Variants in SLCO4C1 observed in about 807,000 individuals in gnomAD.
The protein encoded by SLCO4C1 is organic anion transporter M1.
Under a neutral mutation model 72.1 loss-of-function variants are expected in SLCO4C1, and 58 were observed. The ratio of observed to expected loss-of-function variants is 0.80; its 90% CI spans 0.65 to 1.00. The LOEUF is 1.00. SLCO4C1 is among the 50% of genes least tolerant of loss of function. The pLI is 0.00. For missense variants in SLCO4C1, 898 were observed against 857.9 expected (o/e 1.05, Z -0.58); for synonymous variants, 297 against 312.5 (o/e 0.95, Z 0.52).
At chr5:102,240,613 C>A in intron 11 of SLCO4C1, 105 bp downstream of exon 11, 1 of 812,358 alleles carries the variant, frequency 1.2e-6, no homozygotes, top group Non-Finnish European at 2.0e-6. Flanking sequence ...ATGATGTAGC[C>A]TTCCACTATA....
chr5:102,237,147 T>C, intron 12 of SLCO4C1, 129 bp from the exon 13 acceptor site: 1 of 996,878 alleles, frequency 1.0e-6, no homozygotes. Context: ...GTTCTATGTT[T>C]AAAATTTTTG....
At position 102,236,629 on chromosome 5, in the gene SLCO4C1, CGT is replaced by C. The variant is rs527768491; in HGVS notation, c.*227_*228del. The C allele has an allele frequency of 2.3e-4, 91 of 403,072 alleles. No homozygotes were observed. The highest frequency in any genetic ancestry group is 2.7e-4 in the Non-Finnish European group (61 of 224,732). The allele number at this position is 403,072 out of a possible 1,614,324, so 25.0% of individuals were successfully genotyped here. On this transcript the variant is annotated 3_prime_UTR_variant, in exon 13 of 13. Transcript: ENST00000310954. ...TCGTGTGTGTGTGTGTGTGTGTGCT[CGT>C]GTGTGTGTGTGCTGTGTTTTGAGGC...
chr5:102,235,806 C>T lies in SLCO4C1; in HGVS notation c.*1052G>A, dbSNP rs1347326501. Reference sequence around the variant, plus strand: ...AGGTGGAGCAGTTTCATCTCAAAACCATACCTTCTTCCCCCATGGAAAAAT... The same window carrying T: ...AGGTGGAGCAGTTTCATCTCAAAACTATACCTTCTTCCCCCATGGAAAAAT... On this transcript the variant is annotated 3_prime_UTR_variant, in exon 13 of 13. Coordinates refer to ENST00000310954, the MANE Select transcript of SLCO4C1 (RefSeq NM_180991.5). 6.6e-6 allele frequency: 1 copy of T among 152,216 alleles called. No homozygotes were observed. The highest frequency in any genetic ancestry group is 3.2e-3 in the Middle Eastern group (1 of 316). 9.4% of individuals were successfully genotyped at this position (152,216 alleles called of 1,614,324 possible).
At chr5:102,266,930 T>C (rs762148842) in intron 3 of SLCO4C1, among the ~76,000 whole-genome samples, 33 of 152,224 alleles carry the variant, frequency 2.2e-4, no homozygotes, top group Non-Finnish European at 3.1e-4. Flanking sequence ...GTATCATATT[T>C]ATTGATTTCC....
At position 102,291,473 on chromosome 5, in the gene SLCO4C1, T is replaced by C. The variant is rs772004766; in HGVS notation, c.489A>G (p.Ser163=). The C allele has an allele frequency of 1.2e-5, 19 of 1,614,114 alleles. 1 individual carries two copies. In the East Asian group the frequency reaches 1.6e-4, roughly 13 times the overall value. ...GCTTATGTCCTCTTTCACCAAAGAATGATACAAATAAAGACAACAAACAGA... is the reference window on the plus strand; with the variant it reads ...GCTTATGTCCTCTTTCACCAAAGAACGATACAAATAAAGACAACAAACAGA... ...ISFCLLSLFV[S]FFGERGHKPR... The change falls in exon 2 of 13, where the codon TCA becomes TCG. Residue 163 remains serine (S), a synonymous_variant. Coordinates refer to ENST00000310954, the MANE Select transcript of SLCO4C1 (RefSeq NM_180991.5).
chr5:102,244,059 C>T (rs1053223404), intron 10 of SLCO4C1, among the ~76,000 whole-genome samples: 11 of 151,812 alleles, frequency 7.2e-5, no homozygotes, highest in Non-Finnish European at 1.5e-4. Flanking sequence ...TGGTGGTGCA[C>T]GTCTGTCATC....
At chr5:102,287,685 C>T (rs1263816951) in intron 2 of SLCO4C1, among the ~76,000 whole-genome samples, 1 of 151,908 alleles carries the variant, frequency 6.6e-6, no homozygotes, top group Non-Finnish European at 1.5e-5. Flanking sequence ...GCTGGGACTA[C>T]AGGCATATGC....
chr5:102,260,088 GTATATATATATGTGTGTATATATAA>G (rs1748906502), intron 6 of SLCO4C1, 100 bp downstream of exon 6: 1 of 247,066 alleles, frequency 4.0e-6, no homozygotes, highest in Non-Finnish European at 8.0e-6. Context: ...GGTTGTATTT[GTATATATATATGTGTGTATATATAA>G]TATATAAACA....
intron 6 of SLCO4C1, among the ~76,000 whole-genome samples, chr5:102,258,489 T>G (rs1748879692): frequency 6.6e-6 from 1 of 152,134 alleles, no homozygotes; most frequent in Non-Finnish European, 1.5e-5. Flanking sequence ...TTTAAGACTA[T>G]GAGCAGAGAT....
intron 3 of SLCO4C1, among the ~76,000 whole-genome samples, chr5:102,269,684 C>A (rs1749112805): frequency 6.6e-6 from 1 of 152,094 alleles, no homozygotes; most frequent in Non-Finnish European, 1.5e-5. Context: ...AGGCATTTCA[C>A]AGATTTTTAT....
chr5:102,270,243 C>T (rs1749124158), intron 3 of SLCO4C1, among the ~76,000 whole-genome samples: 1 of 152,006 alleles, frequency 6.6e-6, no homozygotes, highest in African/African-American at 2.4e-5. Flanking sequence ...GACTGTAAGT[C>T]AATATAGGAT....
intron 1 of SLCO4C1, among the ~76,000 whole-genome samples, chr5:102,295,016 G>A (rs1017886820): frequency 1.1e-4 from 17 of 152,258 alleles, no homozygotes; most frequent in Middle Eastern, 3.4e-3. Context: ...GCTTCGGCAT[G>A]TCCTTCTTGA....
rs982883597 is a variant in SLCO4C1 at position 102,266,573 on chromosome 5, C to A, written c.803-2793G>T. On this transcript the variant is annotated intron_variant, in intron 3 of 12. Transcript: ENST00000310954. ...GCTGAGGCAGGAGAATCACTTAAAC[C>A]CAGGAAGCAGAGGTTGCAATGAGCA... Among the ~76,000 whole-genome samples the A allele has an allele frequency of 7.9e-5, 12 of 152,006 alleles. 1 individual carries two copies. Among genetic ancestry groups the A allele is most frequent in the Admixed American group, 3.3e-4 (5 of 15,264 alleles).
At chr5:102,291,736 A>G (rs1266257963) in intron 1 of SLCO4C1, 130 bp from the exon 2 acceptor site, 9 of 670,756 alleles carry the variant, frequency 1.3e-5, no homozygotes, top group Admixed American at 4.1e-5. Flanking sequence ...CAAAGCCTCA[A>G]AGTTTCAAAG....
rs377477286 is a variant in SLCO4C1, at chr5:102,240,686, C to G, written c.1876+32G>C. On this transcript the variant is annotated intron_variant, in intron 11 of 12. Coordinates refer to ENST00000310954, the MANE Select transcript of SLCO4C1 (RefSeq NM_180991.5). ...AACACTAATGAACCAAAATAGCCAA[C>G]AGTTAGCAATGAATAAAGAAAAATG... 20 of 1,571,926 alleles carry G rather than the reference C, an allele frequency of 1.3e-5. No homozygotes were observed. The African/African-American group carries it at 2.2e-4, about 17-fold the overall frequency.
rs924682068 is a variant in SLCO4C1 at position 102,237,120 on chromosome 5, A to G, written c.2015-102T>C. ...GAATAGAACATTTTTAAAGAGAATA[A>G]TTACATAACCATTATAGTTCTATGT... is the stretch of plus-strand genomic sequence containing the variant. On this transcript the variant is annotated intron_variant, in intron 12 of 12. Coordinates refer to ENST00000310954, the MANE Select transcript of SLCO4C1 (RefSeq NM_180991.5). 21 of 1,163,456 alleles carry G rather than the reference A, an allele frequency of 1.8e-5. No individual in the cohort carries two copies. The African/African-American group carries it at 2.8e-4, about 16-fold the overall frequency. 72.1% of individuals were successfully genotyped at this position (1,163,456 alleles called of 1,614,324 possible). A position where few individuals can be genotyped will look rare whatever the true frequency, so the allele number is the denominator to read the frequency against.
Position 102,263,711 on chromosome 5 carries a change from A to G in SLCO4C1, c.872T>C (p.Ile291Thr). Reference sequence around the variant, plus strand: ...TTCTCCCATAGCAACATCAATGTATATGGTTAGCAGTTGTCCTCCCAATAC... The same window carrying G: ...TTCTCCCATAGCAACATCAATGTATGTGGTTAGCAGTTGTCCTCCCAATAC... ...GYVLGGQLLT[I>T]YIDVAMGEST... The change falls in exon 4 of 13, where the codon ATA becomes ACA. Residue 291 changes from isoleucine (I) to threonine (T), a missense_variant. Transcript: ENST00000310954. 2 of 1,612,902 alleles carry G rather than the reference A, an allele frequency of 1.2e-6. No homozygotes were observed. The highest frequency in any genetic ancestry group is 2.7e-5 in the African/African-American group (2 of 74,986).
At chr5:102,286,796 C>T (rs2112398124) in intron 2 of SLCO4C1, among the ~76,000 whole-genome samples, 1 of 152,208 alleles carries the variant, frequency 6.6e-6, no homozygotes, top group South Asian at 2.1e-4. Context: ...TTGTTTACAA[C>T]ACAATAGAAA....
chr5:102,274,153 A>C (rs2112380657), intron 2 of SLCO4C1, among the ~76,000 whole-genome samples: 1 of 152,266 alleles, frequency 6.6e-6, no homozygotes, highest in Non-Finnish European at 1.5e-5. Context: ...TATAGAAGGG[A>C]CTTGAGCATG....
Sources: gnomAD v4.1 joint callset for allele counts (sites outside exome capture counted in the v4.1 genomes callset) on GRCh38, gnomAD v4.1.1 for gene constraint, MANE v1.5 for transcripts, NCBI Gene and HGNC (gene_info 2026-07-23, HGNC 2026-07-21) for gene names.